The following HDAC4 variants were observed in gnomAD, a reference collection of about 807,000 sequenced individuals.
HDAC4 encodes histone deacetylase 4, also known as histone deacetylase A.
HDAC4 carries 16 observed loss-of-function variants against 135.1 expected under a neutral mutation model. That is an observed-to-expected ratio of 0.12 (90% CI 0.08 to 0.18). HDAC4 has a LOEUF of 0.18. Ranked by LOEUF, HDAC4 falls within the 10% of genes least tolerant of loss-of-function variation. HDAC4 has a pLI of 1.00. For synonymous variants in HDAC4, 685 were observed against 653.4 expected (o/e 1.05, Z -0.74); for missense variants, 1,143 against 1,511.8 (o/e 0.76, Z 4.05).
At chr2:239,248,294 C>T (rs985321350) in intron 2 of HDAC4, among the ~76,000 whole-genome samples, 1 of 152,008 alleles carries the variant, frequency 6.6e-6, no homozygotes. Context: ...AATTCTCCTG[C>T]CTCAGCCTCC....
In HDAC4 at chr2:239,184,686, T is replaced by C. The variant is rs900699473; in HGVS notation, c.339+5147A>G. On this transcript the variant is annotated intron_variant, in intron 4 of 26. Transcript: ENST00000543185. ...GTACCCTATGGGGGAGGTCCCTCAG[T>C]GTCTGTCCCGGAGGATGTGTCCTAT... is the stretch of plus-strand genomic sequence containing the variant. Among the ~76,000 whole-genome samples, 4 of 118,422 alleles carry C rather than the reference T, an allele frequency of 3.4e-5. 1 individual carries two copies. The highest frequency in any genetic ancestry group is 2.0e-4 in the Admixed American group (2 of 9,928). The allele number at this position is 118,422 out of a possible 152,430, so 77.7% of individuals were successfully genotyped here.
intron 3 of HDAC4, among the ~76,000 whole-genome samples, chr2:239,207,274 T>A (rs536644023): frequency 1.7e-4 from 26 of 152,202 alleles, no homozygotes; most frequent in Non-Finnish European, 3.1e-4. Flanking sequence ...TAGCCTTAAA[T>A]ACTTATTATG....
At position 239,282,888 on chromosome 2, in the gene HDAC4, C is replaced by T. The variant is rs186226945; in HGVS notation, c.23-46224G>A. 2.0e-4 allele frequency among the ~76,000 whole-genome samples: 31 copies of T among 151,812 alleles called. No individual in the cohort carries two copies. In the East Asian group the frequency reaches 5.8e-3, roughly 29 times the overall value. ...CACACCACTCTCCATGTACATACCA[C>T]TCTACAATGAACACACCACTCTACA... On this transcript the variant is annotated intron_variant, in intron 2 of 26. Transcript: ENST00000543185.
intron 2 of HDAC4, among the ~76,000 whole-genome samples, chr2:239,301,973 A>G (rs1426385882): frequency 2.0e-5 from 3 of 152,156 alleles, no homozygotes; most frequent in African/African-American, 7.2e-5. Flanking sequence ...CAAACAAACA[A>G]AAAAACACAA....
At chr2:239,369,425 G>A (rs1694450707) in intron 1 of HDAC4, among the ~76,000 whole-genome samples, 2 of 152,270 alleles carry the variant, frequency 1.3e-5, no homozygotes, top group South Asian at 4.2e-4. Context: ...ATGTCTCCAA[G>A]CTACAGTCCC....
intron 6 of HDAC4, chr2:239,162,010 C>T (rs1324119035): frequency 1.9e-5 from 8 of 416,934 alleles, no homozygotes; most frequent in East Asian, 7.1e-5. Flanking sequence ...CTCGGCCCCC[C>T]GTCCACTGTC....
chr2:239,145,133 T>A (rs1438570311), intron 7 of HDAC4, among the ~76,000 whole-genome samples: 1 of 152,196 alleles, frequency 6.6e-6, no homozygotes, highest in Admixed American at 6.5e-5. Context: ...TCTTCATAGC[T>A]GTGTTGCTCT....
At chr2:239,095,641 G>A (rs1453445129) in intron 16 of HDAC4, among the ~76,000 whole-genome samples, 6 of 152,290 alleles carry the variant, frequency 3.9e-5, no homozygotes, top group African/African-American at 7.2e-5. Context: ...GCAGCTGCAC[G>A]CCAGGCCTCC....
intron 2 of HDAC4, among the ~76,000 whole-genome samples, chr2:239,237,940 A>T (rs553229392): frequency 6.6e-6 from 1 of 152,360 alleles, no homozygotes; most frequent in South Asian, 2.1e-4. Flanking sequence ...CACTGGGCAT[A>T]TTCGGAGGCA....
At chr2:239,119,918 G>A (rs996204359) in intron 12 of HDAC4, among the ~76,000 whole-genome samples, 4 of 151,544 alleles carry the variant, frequency 2.6e-5, no homozygotes, top group Non-Finnish European at 5.9e-5. Flanking sequence ...CAGCGGCAGT[G>A]GGGACCACCC....
In HDAC4 at chr2:239,121,447, G is replaced by A. The variant is rs554360660; in HGVS notation, c.1533+5009C>T. Reference sequence around the variant, plus strand: ...CCTGCCTGAGGCTTTCGGCAGCCGCGTCTACCGTGCTGTGCATCAGGAGAC... The same window carrying A: ...CCTGCCTGAGGCTTTCGGCAGCCGCATCTACCGTGCTGTGCATCAGGAGAC... On this transcript the variant is annotated intron_variant, in intron 12 of 26. Coordinates refer to ENST00000543185, the MANE Select transcript of HDAC4 (RefSeq NM_001378414.1). Among the ~76,000 whole-genome samples, 427 of 152,316 alleles carry A rather than the reference G, an allele frequency of 2.8e-3. 4 individuals carry two copies. Among genetic ancestry groups the A allele is most frequent in the African/African-American group, 9.5e-3 (395 of 41,564 alleles).
intron 24 of HDAC4, among the ~76,000 whole-genome samples, 173 bp from the exon 25 acceptor site, chr2:239,055,006 A>G (rs965211079): frequency 1.3e-5 from 2 of 152,104 alleles, no homozygotes; most frequent in Non-Finnish European, 2.9e-5. Context: ...GGTATTTATA[A>G]TTTTTTTGTA....
chr2:239,363,108 T>C (rs1054927611), intron 1 of HDAC4, among the ~76,000 whole-genome samples: 1 of 152,188 alleles, frequency 6.6e-6, no homozygotes, highest in Non-Finnish European at 1.5e-5. Flanking sequence ...TCAAGAGACG[T>C]AGAAGAATTC....
intron 1 of HDAC4, among the ~76,000 whole-genome samples, chr2:239,372,667 C>G (rs997019115): frequency 6.6e-6 from 1 of 152,226 alleles, no homozygotes; most frequent in African/African-American, 2.4e-5. Context: ...TTATACACAG[C>G]GACAGAACAG....
intron 9 of HDAC4, among the ~76,000 whole-genome samples, chr2:239,138,448 TAAG>T (rs2041120589): frequency 6.6e-6 from 1 of 152,220 alleles, no homozygotes; most frequent in Non-Finnish European, 1.5e-5. Flanking sequence ...TCTAAATATT[TAAG>T]AAGGAAAGTC....
At chr2:239,172,424 TAC>T (rs1169557415) in intron 5 of HDAC4, among the ~76,000 whole-genome samples, 2 of 151,902 alleles carry the variant, frequency 1.3e-5, no homozygotes, top group African/African-American at 4.8e-5. Context: ...TATCAATAAT[TAC>T]ATTAAATGTA....
At position 239,146,637 on chromosome 2, in the gene HDAC4, G is replaced by C. The variant is rs1231736738; in HGVS notation, c.734-1923C>G. On this transcript the variant is annotated intron_variant, in intron 7 of 26. Coordinates refer to ENST00000543185, the MANE Select transcript of HDAC4 (RefSeq NM_001378414.1). This position sits in a 1 kb window ranked among gnomAD's most constrained non-coding sequence, Gnocchi z 4.5. ...CTCCACAGCCCTGCCGGGCACTCCA[G>C]ACTCTTTGTGCAAGAGACTCTTGAG... 6.6e-6 allele frequency among the ~76,000 whole-genome samples: 1 copy of C among 152,078 alleles called. No homozygotes were observed. The highest frequency in any genetic ancestry group is 1.5e-5 in the Non-Finnish European group (1 of 67,984).
At chr2:239,372,610 C>T (rs949900839) in intron 1 of HDAC4, among the ~76,000 whole-genome samples, 2 of 152,246 alleles carry the variant, frequency 1.3e-5, no homozygotes, top group African/African-American at 4.8e-5. Flanking sequence ...GAGCTCTGGT[C>T]CCCTCTCTCT....
chr2:239,255,177 G>C (rs1054170985), intron 2 of HDAC4, among the ~76,000 whole-genome samples: 7 of 152,186 alleles, frequency 4.6e-5, no homozygotes, highest in Non-Finnish European at 1.0e-4. Flanking sequence ...GATGACAGAA[G>C]CAATGGTAAG....
Sources: allele counts gnomAD v4.1 joint callset (sites outside exome capture counted in the v4.1 genomes callset), GRCh38; gene constraint gnomAD v4.1.1; non-coding constraint Gnocchi (gnomAD v3.1); transcripts MANE v1.5; gene names NCBI Gene and HGNC (gene_info 2026-07-23, HGNC 2026-07-21).